PLEKHA5: variants seen among roughly 807,000 people sequenced by gnomAD.
The protein encoded by PLEKHA5 is pleckstrin homology domain containing A5.
In PLEKHA5, 55 loss-of-function variants were observed where a neutral mutation model predicts 181.9. That is an observed-to-expected ratio of 0.30 (90% CI 0.24 to 0.38). The LOEUF is 0.38. Among genes scored for constraint, PLEKHA5 ranks in the 10% least tolerant of loss-of-function variants. The probability of loss-of-function intolerance (pLI) is 1.00; values close to 1 mark genes in which losing one functional copy is unlikely to be tolerated. For synonymous variants in PLEKHA5, 535 were observed against 529.4 expected (o/e 1.01, Z -0.15); for missense variants, 1,432 against 1,549.5 (o/e 0.92, Z 1.27).
At chr12:19,188,806 G>C (rs2050414834) in intron 3 of PLEKHA5, among the ~76,000 whole-genome samples, 1 of 152,008 alleles carries the variant, frequency 6.6e-6, no homozygotes, top group African/African-American at 2.4e-5. Flanking sequence ...GTCATTGTCT[G>C]TTTGCATTTA....
At position 19,129,905 on chromosome 12, in the gene PLEKHA5, G is replaced by C. The variant is rs2032836879; in HGVS notation, c.89+17G>C. ...CTTCATCAAGTAAAGAGCCGGGGAC[G>C]GCACGGGGGCCCGCGGGGGCGGGAG... On this transcript the variant is annotated intron_variant, in intron 1 of 31. Coordinates refer to ENST00000429027, the MANE Select transcript of PLEKHA5 (RefSeq NM_001256470.2). 1 of 1,593,020 alleles carries C rather than the reference G, an allele frequency of 6.3e-7. No homozygotes were observed. The highest frequency in any genetic ancestry group is 1.7e-5 in the Admixed American group (1 of 58,774).
intron 26 of PLEKHA5, among the ~76,000 whole-genome samples, chr12:19,354,715 C>T (rs2094831563): frequency 6.6e-6 from 1 of 151,868 alleles, no homozygotes; most frequent in Admixed American, 6.6e-5. Context: ...ATCTCCTGAC[C>T]TTGTGATCCG....
rs913705151 is a variant in PLEKHA5 at position 19,137,292 on chromosome 12, G to A, written c.227+4842G>A. Among the ~76,000 whole-genome samples the A allele has an allele frequency of 4.6e-5, 7 of 151,974 alleles. 1 individual carries two copies. The highest frequency in any genetic ancestry group is 4.1e-4 in the South Asian group (2 of 4,822). On this transcript the variant is annotated intron_variant, in intron 3 of 31. Transcript: ENST00000429027. ...CCTCAGGTGATCCGCCCACCTCGGC[G>A]TCCCAAAGTGCTGGGATTACCACCA...
chr12:19,286,373 G>A (rs1381032232), intron 12 of PLEKHA5, among the ~76,000 whole-genome samples: 1 of 152,118 alleles, frequency 6.6e-6, no homozygotes, highest in Non-Finnish European at 1.5e-5. Context: ...AAAAATATCA[G>A]TTTTTTGAGC....
chr12:19,364,894 A>G (rs1045374902), intron 29 of PLEKHA5, among the ~76,000 whole-genome samples: 17 of 152,008 alleles, frequency 1.1e-4, no homozygotes, highest in African/African-American at 4.1e-4. Flanking sequence ...TGAACTCCTG[A>G]CCTCATGATC....
rs1344332520 is a variant in PLEKHA5, at chr12:19,222,662, G to T, written c.228-31278G>T. On this transcript the variant is annotated intron_variant, in intron 3 of 31. Coordinates refer to ENST00000429027, the MANE Select transcript of PLEKHA5 (RefSeq NM_001256470.2). ...GTTTGAGTCAGACCCACAGGGATGT[G>T]TAAATGATTTTTGAAATGTCAGCAC... Among the ~76,000 whole-genome samples, 4 of 152,140 alleles carry T rather than the reference G, an allele frequency of 2.6e-5. No homozygotes were observed. In the East Asian group the frequency reaches 7.7e-4, roughly 29 times the overall value.
intron 3 of PLEKHA5, among the ~76,000 whole-genome samples, chr12:19,200,061 T>G (rs1311831210): frequency 6.6e-6 from 1 of 152,056 alleles, no homozygotes; most frequent in Non-Finnish European, 1.5e-5. Flanking sequence ...AAATGTTGGA[T>G]AGCAGAGTAG....
intron 3 of PLEKHA5, among the ~76,000 whole-genome samples, chr12:19,233,323 T>C (rs1415562555): frequency 6.6e-6 from 1 of 152,182 alleles, no homozygotes; most frequent in East Asian, 1.9e-4. Context: ...CTAGTATTTT[T>C]CTGATCTGAA....
rs962251942 is a variant in PLEKHA5, at chr12:19,218,153, T to G, written c.228-35787T>G. On this transcript the variant is annotated intron_variant, in intron 3 of 31. Transcript: ENST00000429027. ...GGACTTGTTCGAAGCTTAAGAATAGTTGAAAAATCAGTAGCTTCTCTGTGG... is the reference window on the plus strand; with the variant it reads ...GGACTTGTTCGAAGCTTAAGAATAGGTGAAAAATCAGTAGCTTCTCTGTGG... Among the ~76,000 whole-genome samples the G allele has an allele frequency of 2.0e-5, 3 of 152,226 alleles. No individual in the cohort carries two copies. In the East Asian group the frequency reaches 5.8e-4, roughly 29 times the overall value.
chr12:19,142,213 T>G (rs926227297), intron 3 of PLEKHA5, among the ~76,000 whole-genome samples: 36 of 152,188 alleles, frequency 2.4e-4, no homozygotes, highest in African/African-American at 8.2e-4. Flanking sequence ...AAAAATTGTT[T>G]TTTTAATTAG....
chr12:19,320,757 G>A (rs1434437629), intron 18 of PLEKHA5, 133 bp downstream of exon 18: 1 of 507,884 alleles, frequency 2.0e-6, no homozygotes, highest in Non-Finnish European at 3.6e-6. Flanking sequence ...CATATTTTAT[G>A]TGTGTGCTCT....
Position 19,245,442 on chromosome 12 carries a change from T to C in PLEKHA5, c.228-8498T>C, listed in dbSNP as rs369291165. Among the ~76,000 whole-genome samples, 13 of 152,206 alleles carry C rather than the reference T, an allele frequency of 8.5e-5. No homozygotes were observed. In the East Asian group the frequency reaches 2.5e-3, roughly 29 times the overall value. On this transcript the variant is annotated intron_variant, in intron 3 of 31. Transcript: ENST00000429027. ...GTTGAATTGGACATAGAATCTCATA[T>C]CTCTGACTAGTGAGATTCTTGAGAA...
At chr12:19,307,770 AT>A (rs1344621348) in intron 15 of PLEKHA5, among the ~76,000 whole-genome samples, 4 of 152,112 alleles carry the variant, frequency 2.6e-5, no homozygotes, top group Non-Finnish European at 5.9e-5. Flanking sequence ...CAAAAGAAAC[AT>A]TCAAAAACAC....
intron 3 of PLEKHA5, among the ~76,000 whole-genome samples, chr12:19,227,165 T>C (rs2059810628): frequency 6.6e-6 from 1 of 152,196 alleles, no homozygotes; most frequent in Non-Finnish European, 1.5e-5. Flanking sequence ...ATTGATTAAA[T>C]GTACTTTTTT....
At chr12:19,281,874 T>C (rs944530877) in intron 11 of PLEKHA5, among the ~76,000 whole-genome samples, 4 of 151,936 alleles carry the variant, frequency 2.6e-5, no homozygotes, top group African/African-American at 9.7e-5. Context: ...CTCGGCTTCC[T>C]GGGGTCACGC....
intron 31 of PLEKHA5, chr12:19,372,159 C>T (rs2095596285): frequency 6.6e-6 from 1 of 152,272 alleles, no homozygotes; most frequent in Non-Finnish European, 1.5e-5. Context: ...TGCCACCACA[C>T]CCAGCTAATT....
chr12:19,271,618 A>C (rs959353272), intron 10 of PLEKHA5, among the ~76,000 whole-genome samples: 2 of 152,250 alleles, frequency 1.3e-5, no homozygotes, highest in Admixed American at 6.5e-5. Flanking sequence ...AAATAATTTC[A>C]ATATTGTATA....
At chr12:19,363,514 CAG>C (rs1306579087) in intron 29 of PLEKHA5, among the ~76,000 whole-genome samples, 4 of 146,992 alleles carry the variant, frequency 2.7e-5, no homozygotes, top group African/African-American at 7.6e-5. Context: ...TTTTTTGAGA[CAG>C]AGTCTCACTC....
At chr12:19,185,706 A>G (rs1457991244) in intron 3 of PLEKHA5, among the ~76,000 whole-genome samples, 1 of 152,174 alleles carries the variant, frequency 6.6e-6, no homozygotes, top group East Asian at 1.9e-4. Flanking sequence ...TCCCATTCCC[A>G]TGAAGAATGC....
Sources: gnomAD v4.1 joint callset for allele counts (sites outside exome capture counted in the v4.1 genomes callset) on GRCh38, gnomAD v4.1.1 for gene constraint, MANE v1.5 for transcripts, NCBI Gene and HGNC (gene_info 2026-07-23, HGNC 2026-07-21) for gene names.